The following TMEM222 variants were observed in gnomAD, a reference collection of about 807,000 sequenced individuals.
TMEM222 encodes chromosome 1 open reading frame 160.
In TMEM222, 18 loss-of-function variants were observed where a neutral mutation model predicts 25.1. The observed-to-expected ratio is 0.72, with a 90% CI of 0.50 to 1.06. The LOEUF (loss-of-function observed/expected upper bound fraction) is 1.06, where lower values mean the gene tolerates loss of function less well. Ranked by LOEUF, TMEM222 falls within the 50% of genes least tolerant of loss-of-function variation. The pLI is 0.00. For synonymous variants in TMEM222, 131 were observed against 117.9 expected (o/e 1.11, Z -0.72); for missense variants, 296 against 293.7 (o/e 1.01, Z -0.06).
chr1:27,331,273 C>A, intron 2 of TMEM222: 1 of 539,172 alleles, frequency 1.9e-6, no homozygotes, highest in Non-Finnish European at 2.4e-6. Context: ...CAAGACTGGT[C>A]CAGTGGGCTA....
rs375817172 is a variant in TMEM222 at position 27,334,035 on chromosome 1, A to G, written c.389A>G (p.Glu130Gly). The change falls in exon 4 of 6, where the codon GAG (glutamate) becomes GGG (glycine). Residue 130 changes from glutamate to glycine, a missense_variant. By Grantham distance (98) the Glu-to-Gly change is moderately conservative. Transcript: ENST00000374076. ...AWDTAVHDAS[E>G]EYKHRMHNLC... is the part of the protein sequence containing the mutation. ...GACACGGCTGTGCACGACGCCTCTGAGGAGTACAAGCACCGCATGGTAGGT... is the reference window on the plus strand; with the variant it reads ...GACACGGCTGTGCACGACGCCTCTGGGGAGTACAAGCACCGCATGGTAGGT... 1.9e-6 allele frequency: 3 copies of G among 1,614,044 alleles called. No individual in the cohort carries two copies. The African/African-American group carries it at 4.0e-5, about 22-fold the overall frequency.
chr1:27,328,882 AGGCAGCATTGAGGC>A, intron 1 of TMEM222, among the ~76,000 whole-genome samples: 1 of 152,164 alleles, frequency 6.6e-6, no homozygotes, highest in Non-Finnish European at 1.5e-5. Flanking sequence ...GCTCGTGCCC[AGGCAGCATTGAGGC>A]CAGGACTCGG....
rs149234604 is a variant in TMEM222 at position 27,322,280 on chromosome 1, C to A, written c.83C>A (p.Thr28Lys). Residue 28 changes from threonine to lysine, a missense_variant, in exon 1 of 6, where the codon ACG becomes AAG. Coordinates refer to ENST00000374076, the MANE Select transcript of TMEM222 (RefSeq NM_032125.3). ...AGGATGGCGGAAGTGGAGGCGCCGA[C>A]GGCGGCCGAGACGGACATGAAGCAA... ...PPRMAEVEAP[T>K]AAETDMKQYQ... The A allele has an allele frequency of 5.2e-5, 81 of 1,548,934 alleles. No homozygotes were observed. In the African/African-American group the frequency reaches 1.0e-3, roughly 20 times the overall value.
rs2014603283 is a variant in TMEM222, at chr1:27,336,187, C to G, written c.*721C>G. ...CAGTGTAGACAGCACTCAGCCCCAG[C>G]CCCAGGTGTGGACCTCATGCTGGTG... On this transcript the variant is annotated 3_prime_UTR_variant, in exon 6 of 6. Coordinates refer to ENST00000374076, the MANE Select transcript of TMEM222 (RefSeq NM_032125.3). 1 of 152,410 alleles carries G rather than the reference C, an allele frequency of 6.6e-6. No homozygotes were observed. The highest frequency in any genetic ancestry group is 2.1e-4 in the South Asian group (1 of 4,840). 9.4% of individuals were successfully genotyped at this position (152,410 alleles called of 1,614,324 possible). A position where few individuals can be genotyped will look rare whatever the true frequency, so the allele number is the denominator to read the frequency against.
intron 1 of TMEM222, chr1:27,325,507 A>G (rs1303919235): frequency 6.8e-7 from 1 of 1,464,924 alleles, no homozygotes; most frequent in Non-Finnish European, 9.6e-7. Flanking sequence ...ACCACGTTCA[A>G]CTCCATCATG....
chr1:27,333,485 C>T, intron 3 of TMEM222: 1 of 462,166 alleles, frequency 2.2e-6, no homozygotes, highest in South Asian at 1.5e-5. Flanking sequence ...GAAGACTGGA[C>T]AGTCCTGGGT....
At chr1:27,333,844 G>C in intron 3 of TMEM222, 114 bp from the exon 4 acceptor site, 1 of 872,592 alleles carries the variant, frequency 1.1e-6, no homozygotes. Flanking sequence ...CTGGCTTACT[G>C]TACATCTCAG....
chr1:27,331,513 A>G (rs1177237422), intron 2 of TMEM222, among the ~76,000 whole-genome samples: 1 of 152,236 alleles, frequency 6.6e-6, no homozygotes, highest in Non-Finnish European at 1.5e-5. Context: ...CTGAACCCAG[A>G]GTCTGTCTCT....
At chr1:27,328,601 T>C (rs971554217) in intron 1 of TMEM222, among the ~76,000 whole-genome samples, 1 of 152,172 alleles carries the variant, frequency 6.6e-6, no homozygotes, top group African/African-American at 2.4e-5. Context: ...CTGCCCCTGA[T>C]CCTCTAGTCA....
Position 27,334,036 on chromosome 1 carries a change from G to GA in TMEM222, c.390_391insA (p.Glu131ArgfsTer12). The GA allele has an allele frequency of 1.9e-6, 3 of 1,614,182 alleles. No individual in the cohort carries two copies. The highest frequency in any genetic ancestry group is 1.7e-6 in the Non-Finnish European group (2 of 1,180,026). ...ACACGGCTGTGCACGACGCCTCTGAGGAGTACAAGCACCGCATGGTAGGTG... is the reference window on the plus strand; with the variant it reads ...ACACGGCTGTGCACGACGCCTCTGAGAGAGTACAAGCACCGCATGGTAGGTG... On this transcript the variant is annotated frameshift_variant, in exon 4 of 6. Coordinates refer to ENST00000374076, the MANE Select transcript of TMEM222 (RefSeq NM_032125.3). LOFTEE classifies it high-confidence loss of function.
At chr1:27,333,204 C>T (rs1396365210) in intron 3 of TMEM222, 3 of 392,522 alleles carry the variant, frequency 7.6e-6, no homozygotes, top group African/African-American at 6.2e-5. Context: ...CACCGTGTTT[C>T]TCTTTCTGCA....
intron 2 of TMEM222, 147 bp from the exon 3 acceptor site, chr1:27,331,923 C>A: frequency 1.2e-6 from 1 of 861,426 alleles, no homozygotes; most frequent in South Asian, 1.5e-5. Context: ...GCCATGCCAG[C>A]CCCAGGGCAG....
Position 27,334,042 on chromosome 1 carries a change from C to T in TMEM222, c.396C>T (p.Tyr132=), listed in dbSNP as rs1479754671. 2 of 1,614,188 alleles carry T rather than the reference C, an allele frequency of 1.2e-6. No individual in the cohort carries two copies. The highest frequency in any genetic ancestry group is 1.1e-5 in the South Asian group (1 of 91,090). Residue 132 remains tyrosine, a synonymous_variant, in exon 4 of 6, where the codon TAC becomes TAT. Coordinates refer to ENST00000374076, the MANE Select transcript of TMEM222 (RefSeq NM_032125.3). ...CTGTGCACGACGCCTCTGAGGAGTA[C>T]AAGCACCGCATGGTAGGTGGGCCAG... ...DTAVHDASEE[Y]KHRMHNLCCD... is the part of the protein sequence containing the mutation.
rs2014600284 is a variant in TMEM222, at chr1:27,336,069, G to C, written c.*603G>C. 6.4e-6 allele frequency: 1 copy of C among 155,976 alleles called. No individual in the cohort carries two copies. Among genetic ancestry groups the C allele is most frequent in the Admixed American group, 6.2e-5 (1 of 16,040 alleles). The allele number at this position is 155,976 out of a possible 1,614,324, so 9.7% of individuals were successfully genotyped here. A position where few individuals can be genotyped will look rare whatever the true frequency, so the allele number is the denominator to read the frequency against. On this transcript the variant is annotated 3_prime_UTR_variant, in exon 6 of 6. Coordinates refer to ENST00000374076, the MANE Select transcript of TMEM222 (RefSeq NM_032125.3). Reference sequence around the variant, plus strand: ...CTCTTCACTGTTCCACGGCCTCCCAGTGCCTCCCAGCATTGGACCCATCTC... The same window carrying C: ...CTCTTCACTGTTCCACGGCCTCCCACTGCCTCCCAGCATTGGACCCATCTC...
intron 1 of TMEM222, among the ~76,000 whole-genome samples, chr1:27,323,731 C>A (rs1050517913): frequency 6.6e-6 from 1 of 152,146 alleles, no homozygotes; most frequent in African/African-American, 2.4e-5. Context: ...CGAGATTGCA[C>A]CACTGCACTT....
At chr1:27,324,834 A>G (rs146112325) in intron 1 of TMEM222, among the ~76,000 whole-genome samples, 1 of 152,168 alleles carries the variant, frequency 6.6e-6, no homozygotes, top group East Asian at 1.9e-4. Context: ...GATGCTACAC[A>G]CTTTTAAACA....
intron 5 of TMEM222, 118 bp from the exon 6 acceptor site, chr1:27,335,261 G>T (rs200844298): frequency 1.1e-6 from 1 of 938,760 alleles, no homozygotes; most frequent in Non-Finnish European, 1.7e-6. Flanking sequence ...GTGAGGGGGT[G>T]GTTGGGTTTT....
At chr1:27,328,801 A>C (rs1571008961) in intron 1 of TMEM222, among the ~76,000 whole-genome samples, 1 of 152,186 alleles carries the variant, frequency 6.6e-6, no homozygotes, top group Non-Finnish European at 1.5e-5. Flanking sequence ...GCTCCACCCC[A>C]GCCCCCTGTA....
At chr1:27,334,917 C>T (rs757844057) in intron 5 of TMEM222, 48 of 721,670 alleles carry the variant, frequency 6.7e-5, no homozygotes, top group Non-Finnish European at 8.0e-5. Context: ...AGACCCCTGG[C>T]TCCCAGCTGC....
Sources: gnomAD v4.1 joint callset for allele counts (sites outside exome capture counted in the v4.1 genomes callset) on GRCh38, gnomAD v4.1.1 for gene constraint, MANE v1.5 for transcripts, NCBI Gene and HGNC (gene_info 2026-07-23, HGNC 2026-07-21) for gene names.